C12orf56: variants seen among roughly 807,000 people sequenced by gnomAD.
The protein encoded by C12orf56 is uncharacterized protein C12orf56.
C12orf56 carries 71 observed loss-of-function variants against 69.9 expected under a neutral mutation model. The observed-to-expected ratio is 1.02, with a 90% CI of 0.84 to 1.24. The LOEUF (loss-of-function observed/expected upper bound fraction) is 1.24, where lower values mean the gene tolerates loss of function less well. Among genes scored for constraint, C12orf56 ranks in the 50% most tolerant of loss-of-function variants. The pLI, the probability that C12orf56 is intolerant of heterozygous loss-of-function variation, is 0.00. For synonymous variants in C12orf56, 276 were observed against 274.1 expected, an observed-to-expected ratio of 1.01 and a Z score of -0.07; for missense variants, 732 against 738.5, an observed-to-expected ratio of 0.99 and a Z score of 0.10.
chr12:64,319,758 AG>A (rs2038746303), intron 3 of C12orf56, among the ~76,000 whole-genome samples: 1 of 152,210 alleles, frequency 6.6e-6, no homozygotes, highest in South Asian at 2.1e-4. Context: ...CAGGAGGTAA[AG>A]AAATAGCCAG....
At chr12:64,388,014 G>A (rs1440503740) in intron 1 of C12orf56, among the ~76,000 whole-genome samples, 1 of 152,142 alleles carries the variant, frequency 6.6e-6, no homozygotes, top group African/African-American at 2.4e-5. Context: ...CTGTTGCCCA[G>A]TCTGGAGTGC....
At chr12:64,270,776 G>T in intron 11 of C12orf56, 62 bp from the exon 12 acceptor site, 1 of 1,407,840 alleles carries the variant, frequency 7.1e-7, no homozygotes, top group Non-Finnish European at 9.7e-7. Context: ...AACTATTTCA[G>T]CTGGAGCTTC....
At chr12:64,366,214 CA>C (rs2039476946) in intron 1 of C12orf56, among the ~76,000 whole-genome samples, 1 of 28,580 alleles carries the variant, frequency 3.5e-5, no homozygotes, top group South Asian at 1.1e-3. Flanking sequence ...GTATAATATA[CA>C]GTTTATATAT....
intron 2 of C12orf56, among the ~76,000 whole-genome samples, chr12:64,343,941 A>T (rs1022834524): frequency 6.6e-6 from 1 of 152,100 alleles, no homozygotes; most frequent in South Asian, 2.1e-4. Context: ...GCTGTCTGGC[A>T]CTGGGGAAAT....
rs1252982709 is a variant in C12orf56 at position 64,318,716 on chromosome 12, G to A, written c.753C>T (p.Tyr251=). The change falls in exon 4 of 13, where the codon TAC becomes TAT. Residue 251 remains tyrosine, a synonymous_variant. Coordinates refer to ENST00000543942, the MANE Select transcript of C12orf56 (RefSeq NM_001170633.2). ...GGGAATCTAAGAGGGAATTTCCTAA[G>A]TAAAACTCATTTCCATTCCCATTGC... The part of the protein sequence containing the change: ...FKCNGNGNEF[Y]LGNSLLDSPS... 6.5e-7 allele frequency: 1 copy of A among 1,537,106 alleles called. No homozygotes were observed. Among genetic ancestry groups the A allele is most frequent in the East Asian group, 2.4e-5 (1 of 40,922 alleles).
At chr12:64,330,907 G>T in intron 3 of C12orf56, 53 bp downstream of exon 3, 2 of 1,401,078 alleles carry the variant, frequency 1.4e-6, no homozygotes, top group Non-Finnish European at 1.9e-6. Context: ...AAGTTACAAT[G>T]TAAAAATGTT....
chr12:64,380,084 G>T, intron 1 of C12orf56, among the ~76,000 whole-genome samples: 1 of 111,568 alleles, frequency 9.0e-6, no homozygotes, highest in African/African-American at 3.6e-5. Context: ...CAGCCTGGGC[G>T]ACAGAGCAAG....
At chr12:64,300,478 C>T (rs2038429132) in intron 6 of C12orf56, among the ~76,000 whole-genome samples, 1 of 152,152 alleles carries the variant, frequency 6.6e-6, no homozygotes, top group African/African-American at 2.4e-5. Context: ...TTAAGTGGTA[C>T]TTCAGTTCTC....
At chr12:64,300,657 C>A (rs1368397202) in intron 6 of C12orf56, among the ~76,000 whole-genome samples, 2 of 152,204 alleles carry the variant, frequency 1.3e-5, no homozygotes, top group African/African-American at 4.8e-5. Context: ...TTCCCACACC[C>A]TAAACAAGCA....
chr12:64,319,263 T>A (rs1428616167), intron 3 of C12orf56, among the ~76,000 whole-genome samples: 1 of 152,258 alleles, frequency 6.6e-6, no homozygotes, highest in African/African-American at 2.4e-5. Context: ...ATTGTGCCTG[T>A]CCTTCATGGA....
intron 5 of C12orf56, among the ~76,000 whole-genome samples, chr12:64,311,029 C>T (rs2038604773): frequency 6.6e-6 from 1 of 152,144 alleles, no homozygotes; most frequent in African/African-American, 2.4e-5. Context: ...TCATCCATGT[C>T]CCTACAAAGG....
At chr12:64,380,136 A>AAAAAAAAAAAC (rs1565783175) in intron 1 of C12orf56, among the ~76,000 whole-genome samples, 13 of 37,058 alleles carry the variant, frequency 3.5e-4, no homozygotes, top group African/African-American at 1.0e-3. Context: ...AAAAAAAAAC[A>AAAAAAAAAAAC]AAACAAACAA....
intron 1 of C12orf56, among the ~76,000 whole-genome samples, chr12:64,369,894 A>T (rs1283482689): frequency 6.6e-6 from 1 of 151,498 alleles, no homozygotes; most frequent in Non-Finnish European, 1.5e-5. Flanking sequence ...GAGGCAGGGG[A>T]ATTGCTTGAA....
At position 64,267,286 on chromosome 12, in the gene C12orf56, T is replaced by C. The variant is rs1309842543; in HGVS notation, c.1766A>G (p.Tyr589Cys). ...CTGCAAGGCTGGCATGTGAATAAAG[T>C]ACCTGCAAATCATAAAAAGAAACAA... is the stretch of plus-strand genomic sequence containing the variant. ...IRNNYREEFR[Y>C]FIHMPALQKR... Residue 589 changes from tyrosine to cysteine, a missense_variant and splice_region_variant, in exon 13 of 13, where the codon TAC becomes TGC. By Grantham distance (194) the Tyr-to-Cys change is radical (BLOSUM62 -2). Coordinates refer to ENST00000543942, the MANE Select transcript of C12orf56 (RefSeq NM_001170633.2). 1 of 1,603,474 alleles carries C rather than the reference T, an allele frequency of 6.2e-7. No homozygotes were observed. Among genetic ancestry groups the C allele is most frequent in the Non-Finnish European group, 8.5e-7 (1 of 1,174,068 alleles).
At chr12:64,331,940 T>G (rs1375493713) in intron 2 of C12orf56, among the ~76,000 whole-genome samples, 1 of 143,994 alleles carries the variant, frequency 6.9e-6, no homozygotes, top group East Asian at 2.2e-4. Flanking sequence ...AGGGTTCTTA[T>G]CCTTAAATAA....
At chr12:64,342,242 T>A (rs766908181) in intron 2 of C12orf56, among the ~76,000 whole-genome samples, 10 of 152,228 alleles carry the variant, frequency 6.6e-5, no homozygotes, top group Non-Finnish European at 1.5e-4. Flanking sequence ...CATGAATCAG[T>A]ATGCAATCGT....
chr12:64,299,810 C>A (rs1257376202), intron 6 of C12orf56, among the ~76,000 whole-genome samples: 3 of 152,048 alleles, frequency 2.0e-5, no homozygotes, highest in Non-Finnish European at 4.4e-5. Context: ...TGAAAACTGT[C>A]TGTTAATTGT....
chr12:64,270,577 A>C lies in C12orf56; in HGVS notation c.1722T>G (p.Thr574=), dbSNP rs562853556. The change falls in exon 12 of 13, where the codon ACT becomes ACG. Residue 574 remains threonine (T), a synonymous_variant. Transcript: ENST00000543942. ...ILKSCLRHSR[T]LAEYIRNNYR... is the part of the protein sequence containing the mutation. ...AGTTATTCCTAATATACTCAGCTAG[A>C]GTCCTGCTGTGCCGCAGACAGCTCT... 100 of 1,611,138 alleles carry C rather than the reference A, an allele frequency of 6.2e-5. No individual in the cohort carries two copies. The South Asian group carries it at 1.0e-3, about 17-fold the overall frequency.
chr12:64,265,293 T>G lies in C12orf56; in HGVS notation c.*1890A>C, dbSNP rs374121327. ...CTCTCTCTGCCCCCAAAATTGAGGG[T>G]AGAAAATGTGGACTCCTCATTGGGT... is the stretch of plus-strand genomic sequence containing the variant. On this transcript the variant is annotated 3_prime_UTR_variant, in exon 13 of 13. Coordinates refer to ENST00000543942, the MANE Select transcript of C12orf56 (RefSeq NM_001170633.2). 2 of 152,158 alleles carry G rather than the reference T, an allele frequency of 1.3e-5. No individual in the cohort carries two copies. Among genetic ancestry groups the G allele is most frequent in the African/African-American group, 4.8e-5 (2 of 41,498 alleles). 9.4% of individuals were successfully genotyped at this position (152,158 alleles called of 1,614,324 possible).
Sources: gnomAD v4.1 joint callset for allele counts (sites outside exome capture counted in the v4.1 genomes callset) on GRCh38, gnomAD v4.1.1 for gene constraint, MANE v1.5 for transcripts, NCBI Gene and HGNC (gene_info 2026-07-23, HGNC 2026-07-21) for gene names.